The following CREM variants were observed in gnomAD, a reference collection of about 807,000 sequenced individuals.
CREM encodes the protein cAMP-responsive element modulator.
A neutral mutation model predicts 37.3 loss-of-function variants in CREM; 13 were observed. That is an observed-to-expected ratio of 0.35 (90% CI 0.23 to 0.55). The LOEUF is 0.55. CREM is among the 20% of genes least tolerant of loss of function. The pLI is 0.88. For missense variants in CREM, 296 were observed against 362.3 expected, an observed-to-expected ratio of 0.82 and a Z score of 1.49; for synonymous variants, 124 against 120.2, an observed-to-expected ratio of 1.03 and a Z score of -0.21.
intron 3 of CREM, among the ~76,000 whole-genome samples, chr10:35,166,780 G>A (rs1229483054): frequency 6.6e-6 from 1 of 152,064 alleles, no homozygotes; most frequent in South Asian, 2.1e-4. Context: ...CAAGATAACC[G>A]AAATGAAGAC....
intron 3 of CREM, among the ~76,000 whole-genome samples, chr10:35,174,385 T>C (rs1049448065): frequency 9.8e-5 from 15 of 152,370 alleles, no homozygotes; most frequent in African/African-American, 3.1e-4. Context: ...ATAGTGCACC[T>C]AGTACAAGGC....
intron 6 of CREM, among the ~76,000 whole-genome samples, chr10:35,205,597 T>C (rs576317099): frequency 2.0e-5 from 3 of 152,338 alleles, no homozygotes; most frequent in East Asian, 3.9e-4. Flanking sequence ...GATGGAGATA[T>C]TCTGCTTAAT....
chr10:35,164,879 G>C (rs1340805421), intron 3 of CREM, among the ~76,000 whole-genome samples: 2 of 151,872 alleles, frequency 1.3e-5, no homozygotes, highest in African/African-American at 4.8e-5. Context: ...GTGAAACCCT[G>C]TCTCTACAAA....
intron 7 of CREM, among the ~76,000 whole-genome samples, chr10:35,208,141 C>T (rs2134686210): frequency 6.6e-6 from 1 of 152,154 alleles, no homozygotes; most frequent in African/African-American, 2.4e-5. Flanking sequence ...TATTTTTTAA[C>T]TTTTTTTCCT....
intron 6 of CREM, 28 bp downstream of exon 6, chr10:35,188,416 G>A: frequency 6.4e-7 from 1 of 1,571,836 alleles, no homozygotes; most frequent in African/African-American, 1.4e-5. Context: ...AATACATTTA[G>A]AATACCTATG....
At chr10:35,130,085 A>G (rs1049053097) in intron 1 of CREM, among the ~76,000 whole-genome samples, 1 of 151,764 alleles carries the variant, frequency 6.6e-6, no homozygotes, top group Non-Finnish European at 1.5e-5. Context: ...AATTGTGGCT[A>G]CTTGGGAGGC....
intron 3 of CREM, chr10:35,158,555 A>G (rs2093058844): frequency 1.2e-5 from 2 of 167,728 alleles, no homozygotes; most frequent in Non-Finnish European, 2.7e-5. Flanking sequence ...TTCCAGCAGA[A>G]CAAGGATGAA....
chr10:35,189,716 G>A (rs1473056121), intron 6 of CREM, among the ~76,000 whole-genome samples: 1 of 151,984 alleles, frequency 6.6e-6, no homozygotes, highest in Non-Finnish European at 1.5e-5. Flanking sequence ...GGGTTTCACC[G>A]TATTGCCCAG....
intron 3 of CREM, among the ~76,000 whole-genome samples, chr10:35,178,120 A>G (rs1043577873): frequency 2.6e-5 from 4 of 152,208 alleles, no homozygotes; most frequent in African/African-American, 9.6e-5. Context: ...AAACTCTGCT[A>G]CCCTAGGCCC....
chr10:35,145,796 AAAAG>A (rs1307698966), intron 2 of CREM, among the ~76,000 whole-genome samples: 6 of 151,282 alleles, frequency 4.0e-5, no homozygotes, highest in African/African-American at 1.5e-4. Context: ...AAAAAAAAAA[AAAAG>A]AAATTACTTT....
intron 2 of CREM, among the ~76,000 whole-genome samples, chr10:35,138,218 C>G (rs2090886244): frequency 6.6e-6 from 1 of 151,284 alleles, no homozygotes; most frequent in African/African-American, 2.4e-5. Flanking sequence ...TTCGGCCATA[C>G]TTGTACTTAA....
intron 3 of CREM, among the ~76,000 whole-genome samples, chr10:35,150,859 A>G (rs1015412572): frequency 7.7e-6 from 1 of 130,472 alleles, no homozygotes; most frequent in African/African-American, 3.0e-5. Context: ...AGTAATGTGG[A>G]GTCTGAAAAG....
intron 3 of CREM, among the ~76,000 whole-genome samples, chr10:35,165,055 TCAA>T (rs2093473027): frequency 4.4e-5 from 2 of 45,750 alleles, no homozygotes; most frequent in Admixed American, 2.2e-4. Flanking sequence ...AGGCTCCATC[TCAA>T]AAAAAAAAAA....
rs1201992140 is a variant in CREM, at chr10:35,212,277, G to C, written c.*879G>C. On this transcript the variant is annotated 3_prime_UTR_variant, in exon 8 of 8. Transcript: ENST00000685392. ...GCCTAGATATGAATATATGGCATTT[G>C]CAGATTTTTATATTAGTTGCTTTGT... 6.6e-6 allele frequency: 1 copy of C among 151,834 alleles called. No homozygotes were observed. The allele number at this position is 151,834 out of a possible 1,614,324, so 9.4% of individuals were successfully genotyped here.
chr10:35,148,920 CAGTT>C (rs1227911888), intron 3 of CREM, among the ~76,000 whole-genome samples: 1 of 152,176 alleles, frequency 6.6e-6, no homozygotes, highest in African/African-American at 2.4e-5. Flanking sequence ...TCACCAGTAT[CAGTT>C]AGTACCTGTT....
intron 2 of CREM, among the ~76,000 whole-genome samples, chr10:35,140,331 ATGT>A (rs1307963342): frequency 3.3e-5 from 5 of 152,314 alleles, no homozygotes; most frequent in African/African-American, 1.2e-4. Flanking sequence ...TCATCGTAAA[ATGT>A]TGTCCAAACT....
At chr10:35,183,347 TA>T (rs1247093245) in intron 5 of CREM, among the ~76,000 whole-genome samples, 1 of 152,156 alleles carries the variant, frequency 6.6e-6, no homozygotes, top group African/African-American at 2.4e-5. Flanking sequence ...AACTTCTTCA[TA>T]AAGGGAATTA....
chr10:35,151,533 G>A (rs1294438351), intron 3 of CREM, among the ~76,000 whole-genome samples: 3 of 152,038 alleles, frequency 2.0e-5, no homozygotes, highest in African/African-American at 7.2e-5. Context: ...GTGCCACCAC[G>A]CCCAACTGAT....
chr10:35,144,093 T>C (rs1564806830), intron 2 of CREM, among the ~76,000 whole-genome samples: 1 of 152,208 alleles, frequency 6.6e-6, no homozygotes, highest in Non-Finnish European at 1.5e-5. Flanking sequence ...CTGTGATTTA[T>C]TGTCTTCAGA....
Sources: allele counts gnomAD v4.1 joint callset (sites outside exome capture counted in the v4.1 genomes callset), GRCh38; gene constraint gnomAD v4.1.1; transcripts MANE v1.5; gene names NCBI Gene and HGNC (gene_info 2026-07-23, HGNC 2026-07-21).